NCAPG2: variants seen among roughly 807,000 people sequenced by gnomAD.
NCAPG2 encodes non-SMC condensin II complex subunit G2, also known as condensin-2 complex subunit G2.
A neutral mutation model predicts 141.1 loss-of-function variants in NCAPG2; 53 were observed. The observed-to-expected ratio is 0.38, with a 90% confidence interval of 0.30 to 0.47. The LOEUF is 0.47. Ranked by LOEUF, NCAPG2 falls within the 20% of genes least tolerant of loss-of-function variation. NCAPG2 has a pLI of 0.99. For synonymous variants in NCAPG2, 499 were observed against 490.7 expected (o/e 1.02, Z -0.22); for missense variants, 1,087 against 1,389.0 (o/e 0.78, Z 3.46).
intron 13 of NCAPG2, chr7:158,668,357 C>A (rs1221599491): frequency 1.0e-6 from 1 of 975,182 alleles, no homozygotes; most frequent in Non-Finnish European, 1.2e-6. Flanking sequence ...GGTCCCTCCG[C>A]CCTCCTTACC....
intron 6 of NCAPG2, among the ~76,000 whole-genome samples, chr7:158,689,302 G>A (rs1022192623): frequency 6.6e-6 from 1 of 152,074 alleles, no homozygotes; most frequent in Non-Finnish European, 1.5e-5. Context: ...TCAAATCCAT[G>A]TGTATTTTAT....
chr7:158,673,692 G>T, intron 12 of NCAPG2, among the ~76,000 whole-genome samples: 1 of 152,228 alleles, frequency 6.6e-6, no homozygotes, highest in East Asian at 1.9e-4. Context: ...TCTGTAAACT[G>T]GGACCAGCCG....
Position 158,664,652 on chromosome 7 carries a change from G to T in NCAPG2, c.1578C>A (p.Phe526Leu), listed in dbSNP as rs778557411. 1.2e-6 allele frequency: 2 copies of T among 1,614,148 alleles called. No homozygotes were observed. The highest frequency in any genetic ancestry group is 8.5e-7 in the Non-Finnish European group (1 of 1,180,034). Residue 526 changes from phenylalanine (F) to leucine (L), a missense_variant, in exon 14 of 28, where the codon TTC (phenylalanine) becomes TTA (leucine). Phe to Leu is a conservative substitution (Grantham distance 22). Transcript: ENST00000356309. Reference sequence around the variant, plus strand: ...CCTCCTCCGGCTGATTCACAGGCAGGAAAGAATTAAAGATGAGGCTCACCA... The same window carrying T: ...CCTCCTCCGGCTGATTCACAGGCAGTAAAGAATTAAAGATGAGGCTCACCA... The part of the protein sequence containing the change: ...RRLVSLIFNS[F>L]LPVNQPEEVW...
intron 2 of NCAPG2, among the ~76,000 whole-genome samples, chr7:158,693,838 A>G (rs1835274762): frequency 6.6e-6 from 1 of 152,250 alleles, no homozygotes. Flanking sequence ...CACAGATTCC[A>G]GCCCCAAGTG....
At position 158,655,267 on chromosome 7, in the gene NCAPG2, A is replaced by G; in HGVS notation, c.2506-9T>C. ...TTTCCTTCTGAGCAGAACTGTCCAAAAACAAGAAGATAAATCAGTAACAAA... is the reference window on the plus strand; with the variant it reads ...TTTCCTTCTGAGCAGAACTGTCCAAGAACAAGAAGATAAATCAGTAACAAA... On this transcript the variant is annotated splice_polypyrimidine_tract_variant and intron_variant, in intron 20 of 27. Transcript: ENST00000356309. The G allele has an allele frequency of 1.2e-6, 2 of 1,613,724 alleles. No homozygotes were observed. Among genetic ancestry groups the G allele is most frequent in the Non-Finnish European group, 1.7e-6 (2 of 1,179,852 alleles).
rs1436992616 is a variant in NCAPG2, at chr7:158,636,435, C to CTAT, written c.3381-4719_3381-4718insATA. Among the ~76,000 whole-genome samples, 18 of 139,554 alleles carry CTAT rather than the reference C, an allele frequency of 1.3e-4. No homozygotes were observed. The Admixed American group carries it at 1.3e-3, about 10-fold the overall frequency. 91.6% of individuals were successfully genotyped at this position (139,554 alleles called of 152,430 possible). ...TTTTTTTTTGAGATGGAGTTTCACT[C>CTAT]TTAATGCCCAGGCTGGAGTGCAATG... On this transcript the variant is annotated intron_variant, in intron 27 of 27. Transcript: ENST00000356309.
intron 13 of NCAPG2, among the ~76,000 whole-genome samples, chr7:158,668,830 T>G (rs1833481230): frequency 6.6e-6 from 1 of 152,184 alleles, no homozygotes. Flanking sequence ...GGTAGACATG[T>G]GCCATGGTGG....
At chr7:158,632,938 G>A (rs1056475713) in intron 27 of NCAPG2, among the ~76,000 whole-genome samples, 7 of 152,118 alleles carry the variant, frequency 4.6e-5, no homozygotes, top group African/African-American at 1.7e-4. Flanking sequence ...GCCACACTCA[G>A]CTTAGACTCA....
At position 158,631,597 on chromosome 7, in the gene NCAPG2, G is replaced by C. The variant is rs750563688; in HGVS notation, c.*69C>G. On this transcript the variant is annotated 3_prime_UTR_variant, in exon 28 of 28. Coordinates refer to ENST00000356309, the MANE Select transcript of NCAPG2 (RefSeq NM_017760.7). ...GGGTTATTAACATTAAAAACAATAG[G>C]AAAATACACAGGCATTTCAATTTGA... 5.1e-6 allele frequency: 7 copies of C among 1,365,550 alleles called. No individual in the cohort carries two copies. Among genetic ancestry groups the C allele is most frequent in the Non-Finnish European group, 6.3e-6 (6 of 959,534 alleles). The allele number at this position is 1,365,550 out of a possible 1,614,324, so 84.6% of individuals were successfully genotyped here. A position where few individuals can be genotyped will look rare whatever the true frequency, so the allele number is the denominator to read the frequency against.
Position 158,671,570 on chromosome 7 carries a change from C to G in NCAPG2, c.1423G>C (p.Val475Leu). 6.2e-7 allele frequency: 1 copy of G among 1,614,210 alleles called. No individual in the cohort carries two copies. Among genetic ancestry groups the G allele is most frequent in the Non-Finnish European group, 8.5e-7 (1 of 1,180,024 alleles). ...AGCATGTCCACAAAAGCTACCCTCA[C>G]TTTCTCCGAATTGTCGTGGAGACTG... ...RYSLHDNSEK[V>L]RVAFVDMLLK... is the part of the protein sequence containing the mutation. Residue 475 changes from valine to leucine, a missense_variant, in exon 13 of 28, where the codon GTG (valine) becomes CTG (leucine). By Grantham distance (32) the Val-to-Leu change is conservative. Coordinates refer to ENST00000356309, the MANE Select transcript of NCAPG2 (RefSeq NM_017760.7).
intron 5 of NCAPG2, 105 bp from the exon 6 acceptor site, chr7:158,690,058 C>A: frequency 1.9e-6 from 2 of 1,047,446 alleles, no homozygotes; most frequent in Non-Finnish European, 2.5e-6. Context: ...CTAGTTGATT[C>A]ATCAAAGATT....
At position 158,669,993 on chromosome 7, in the gene NCAPG2, C is replaced by A. The variant is rs144390854; in HGVS notation, c.1479+1521G>T. On this transcript the variant is annotated intron_variant, in intron 13 of 27. Transcript: ENST00000356309. Reference sequence around the variant, plus strand: ...AAAGACCTGAAGTAGCCAAAGAATTCTGGAAGAACAGCAAAGCTGGAGAAT... The same window carrying A: ...AAAGACCTGAAGTAGCCAAAGAATTATGGAAGAACAGCAAAGCTGGAGAAT... 1.4e-4 allele frequency among the ~76,000 whole-genome samples: 21 copies of A among 152,116 alleles called. 1 individual carries two copies. The highest frequency in any genetic ancestry group is 4.6e-4 in the African/African-American group (19 of 41,500).
chr7:158,664,075 TA>T, intron 15 of NCAPG2, 108 bp downstream of exon 15: 1 of 862,532 alleles, frequency 1.2e-6, no homozygotes, highest in South Asian at 1.6e-5. Context: ...CTTGTTTAAT[TA>T]ACAATACTAA....
intron 2 of NCAPG2, among the ~76,000 whole-genome samples, chr7:158,694,834 G>T (rs1234970910): frequency 2.6e-5 from 4 of 151,654 alleles, no homozygotes; most frequent in Admixed American, 1.3e-4. Flanking sequence ...ACCTCCGCTT[G>T]TTCACTTCTA....
chr7:158,702,984 C>G (rs180922342), intron 1 of NCAPG2, among the ~76,000 whole-genome samples: 1 of 152,202 alleles, frequency 6.6e-6, no homozygotes. Flanking sequence ...TGTGCTTTTT[C>G]TATGCTTAGA....
At chr7:158,645,848 A>C (rs1373250737) in intron 25 of NCAPG2, among the ~76,000 whole-genome samples, 1 of 152,178 alleles carries the variant, frequency 6.6e-6, no homozygotes, top group Admixed American at 6.5e-5. Flanking sequence ...CTGAGTGAAA[A>C]AGGCTACTCT....
chr7:158,662,397 G>A (rs4484634), intron 15 of NCAPG2, 30 bp from the exon 16 acceptor site: 1,363,267 of 1,514,978 alleles, frequency 0.9, 614,156 homozygotes, highest in African/African-American at 0.98. Flanking sequence ...ATTGTGAAAG[G>A]ATCTAATCAT....
In NCAPG2 at chr7:158,671,677, G is replaced by C. The variant is rs1388790135; in HGVS notation, c.1327-11C>G. On this transcript the variant is annotated splice_polypyrimidine_tract_variant and intron_variant, in intron 12 of 27. Coordinates refer to ENST00000356309, the MANE Select transcript of NCAPG2 (RefSeq NM_017760.7). ...AATCATTGGCAGACACTGCAACAGA[G>C]AGAAAGATAAACAATTCAAAATCAG... The C allele has an allele frequency of 1.2e-6, 2 of 1,612,184 alleles. No individual in the cohort carries two copies. The highest frequency in any genetic ancestry group is 1.7e-6 in the Non-Finnish European group (2 of 1,179,246).
intron 12 of NCAPG2, 54 bp from the exon 13 acceptor site, chr7:158,671,720 T>G: frequency 4.4e-6 from 7 of 1,583,162 alleles, no homozygotes; most frequent in Non-Finnish European, 6.0e-6. Context: ...CAATGAAAGG[T>G]TCAGGTAGGA....
Sources: allele counts gnomAD v4.1 joint callset (sites outside exome capture counted in the v4.1 genomes callset), GRCh38; gene constraint gnomAD v4.1.1; transcripts MANE v1.5; gene names NCBI Gene and HGNC (gene_info 2026-07-23, HGNC 2026-07-21).